The following EPHA3 variants were observed in gnomAD, a reference collection of about 807,000 sequenced individuals.
EPHA3 encodes the protein EPH receptor A3.
In EPHA3, 42 loss-of-function variants were observed where a neutral mutation model predicts 107.1. The observed-to-expected ratio is 0.39, with a 90% CI of 0.31 to 0.51. The LOEUF (loss-of-function observed/expected upper bound fraction) is 0.51, where lower values mean the gene tolerates loss of function less well. Among genes scored for constraint, EPHA3 ranks in the 20% least tolerant of loss-of-function variants. EPHA3 has a pLI of 0.78. For synonymous variants in EPHA3, 461 were observed against 424.8 expected, an observed-to-expected ratio of 1.09 and a Z score of -1.05; for missense variants, 1,183 against 1,211.2, an observed-to-expected ratio of 0.98 and a Z score of 0.35.
At chr3:89,339,424 A>AGAATT (rs1269296002) in intron 3 of EPHA3, among the ~76,000 whole-genome samples, 1 of 151,840 alleles carries the variant, frequency 6.6e-6, no homozygotes, top group East Asian at 1.9e-4. Context: ...TTAGGGCAGT[A>AGAATT]GAATTGACTA....
intron 5 of EPHA3, among the ~76,000 whole-genome samples, chr3:89,366,876 A>C (rs1476569645): frequency 6.6e-6 from 1 of 150,690 alleles, no homozygotes; most frequent in Non-Finnish European, 1.5e-5. Flanking sequence ...CAGCAACTAA[A>C]ATGTATTGGA....
Position 89,348,262 on chromosome 3 carries a change from G to T in EPHA3, c.1306+6172G>T, listed in dbSNP as rs1366787824. Among the ~76,000 whole-genome samples the T allele has an allele frequency of 2.9e-5, 4 of 136,154 alleles. 1 individual carries two copies. Among genetic ancestry groups the T allele is most frequent in the Admixed American group, 7.5e-5 (1 of 13,376 alleles). 89.3% of individuals were successfully genotyped at this position (136,154 alleles called of 152,430 possible). On this transcript the variant is annotated intron_variant, in intron 5 of 16. Transcript: ENST00000336596. Reference sequence around the variant, plus strand: ...TCTGGTCCTGGACTCTTTTTGGTTGGTAAACTATTGATTATTGCCACAATT... The same window carrying T: ...TCTGGTCCTGGACTCTTTTTGGTTGTTAAACTATTGATTATTGCCACAATT...
In EPHA3 at chr3:89,120,485, T is replaced by G. The variant is rs571619627; in HGVS notation, c.89-6724T>G. 2.0e-5 allele frequency among the ~76,000 whole-genome samples: 3 copies of G among 152,312 alleles called. No individual in the cohort carries two copies. The East Asian group carries it at 5.8e-4, about 29-fold the overall frequency. ...AGGATTATTTTGTTATAAGAACACA[T>G]TTTTCTACTGATATCTTGATACCTG... On this transcript the variant is annotated intron_variant, in intron 1 of 16. Transcript: ENST00000336596.
intron 3 of EPHA3, among the ~76,000 whole-genome samples, chr3:89,321,077 A>C (rs73846141): frequency 0.035 from 5,341 of 152,096 alleles, 333 homozygotes; most frequent in African/African-American, 0.12. Flanking sequence ...CCTGGTTTTC[A>C]GTATATTCAC....
At chr3:89,233,553 C>G (rs1704685853) in intron 3 of EPHA3, among the ~76,000 whole-genome samples, 1 of 152,130 alleles carries the variant, frequency 6.6e-6, no homozygotes, top group African/African-American at 2.4e-5. Flanking sequence ...GAACTTTGCA[C>G]CGGCTGTTGT....
At chr3:89,469,159 T>G (rs929526786) in intron 15 of EPHA3, among the ~76,000 whole-genome samples, 2 of 152,148 alleles carry the variant, frequency 1.3e-5, no homozygotes, top group African/African-American at 4.8e-5. Flanking sequence ...GATTTTCAAT[T>G]TATAATTTGA....
intron 1 of EPHA3, among the ~76,000 whole-genome samples, chr3:89,121,064 C>A (rs1341514985): frequency 6.6e-6 from 1 of 151,690 alleles, no homozygotes; most frequent in Non-Finnish European, 1.5e-5. Context: ...GCGGTGAAAC[C>A]CCGTCTCTAC....
rs1710618399 is a variant in EPHA3, at chr3:89,481,357, T to A, written c.*1855T>A. The A allele has an allele frequency of 4.3e-6, 1 of 232,122 alleles. No individual in the cohort carries two copies. Among genetic ancestry groups the A allele is most frequent in the African/African-American group, 2.2e-5 (1 of 45,306 alleles). The allele number at this position is 232,122 out of a possible 1,614,324, so 14.4% of individuals were successfully genotyped here. On this transcript the variant is annotated 3_prime_UTR_variant, in exon 17 of 17. Transcript: ENST00000336596. ...TGGATATATAAGAGCATGAAATTTT[T>A]AAAAATACACTTGTGATTATAAAAT...
At chr3:89,160,682 A>G (rs1704915514) in intron 2 of EPHA3, among the ~76,000 whole-genome samples, 1 of 151,754 alleles carries the variant, frequency 6.6e-6, no homozygotes, top group African/African-American at 2.4e-5. Context: ...AGCCCTAAAG[A>G]TTCAACCCTA....
intron 2 of EPHA3, among the ~76,000 whole-genome samples, chr3:89,168,461 A>C (rs1705131241): frequency 6.6e-6 from 1 of 152,032 alleles, no homozygotes; most frequent in Admixed American, 6.6e-5. Context: ...AAACAAACCA[A>C]AAAAAATTTA....
intron 15 of EPHA3, among the ~76,000 whole-genome samples, chr3:89,454,367 C>T (rs1710056941): frequency 6.6e-6 from 1 of 152,182 alleles, no homozygotes. Context: ...CATACACCAG[C>T]AGCTACCCAT....
chr3:89,396,085 C>A, intron 6 of EPHA3, 124 bp downstream of exon 6: 1 of 1,245,138 alleles, frequency 8.0e-7, no homozygotes, highest in Non-Finnish European at 1.1e-6. Context: ...AGAACTGTGG[C>A]CCTGTGACCC....
chr3:89,390,336 T>C (rs111989180), intron 5 of EPHA3, among the ~76,000 whole-genome samples: 1 of 152,124 alleles, frequency 6.6e-6, no homozygotes, highest in Admixed American at 6.5e-5. Context: ...TGGTGGCTCA[T>C]GCCTGTAATG....
At chr3:89,393,256 G>A (rs894479639) in intron 5 of EPHA3, among the ~76,000 whole-genome samples, 1 of 152,110 alleles carries the variant, frequency 6.6e-6, no homozygotes, top group Non-Finnish European at 1.5e-5. Flanking sequence ...AATTACAAAA[G>A]CCTATTTATT....
chr3:89,305,054 G>C (rs561844551), intron 3 of EPHA3, among the ~76,000 whole-genome samples: 1 of 152,162 alleles, frequency 6.6e-6, no homozygotes, highest in South Asian at 2.1e-4. Context: ...ATTTAAGACT[G>C]TGTTGGCATA....
intron 15 of EPHA3, among the ~76,000 whole-genome samples, chr3:89,453,335 C>G (rs1054550361): frequency 6.6e-6 from 1 of 152,228 alleles, no homozygotes; most frequent in African/African-American, 2.4e-5. Flanking sequence ...GTCTTACTAT[C>G]AGATCATAAT....
At chr3:89,149,102 G>T (rs1376775666) in intron 2 of EPHA3, among the ~76,000 whole-genome samples, 2 of 151,924 alleles carry the variant, frequency 1.3e-5, no homozygotes, top group Non-Finnish European at 2.9e-5. Context: ...TGAAACAGAA[G>T]ATACTATTGC....
chr3:89,131,003 T>A (rs976045381), intron 2 of EPHA3, among the ~76,000 whole-genome samples: 5 of 152,188 alleles, frequency 3.3e-5, no homozygotes, highest in African/African-American at 1.2e-4. Flanking sequence ...TGATACTACA[T>A]ATATTATTAG....
At chr3:89,310,831 T>A (rs941772814) in intron 3 of EPHA3, among the ~76,000 whole-genome samples, 6 of 152,002 alleles carry the variant, frequency 3.9e-5, no homozygotes, top group Admixed American at 2.0e-4. Context: ...TTATGACAAA[T>A]ATATGAAGTA....
Sources: gnomAD v4.1 joint callset for allele counts (sites outside exome capture counted in the v4.1 genomes callset) on GRCh38, gnomAD v4.1.1 for gene constraint, MANE v1.5 for transcripts, NCBI Gene and HGNC (gene_info 2026-07-23, HGNC 2026-07-21) for gene names.